Variants in ADGRB3 observed in about 807,000 individuals in gnomAD.
ADGRB3 encodes the protein brain-specific angiogenesis inhibitor 3.
Under a neutral mutation model 193.4 loss-of-function variants are expected in ADGRB3, and 37 were observed. That is an observed-to-expected ratio of 0.19 (90% CI 0.15 to 0.25). The LOEUF (loss-of-function observed/expected upper bound fraction) is 0.25. ADGRB3 is among the 10% of genes least tolerant of loss of function. ADGRB3 has a pLI of 1.00. For synonymous variants in ADGRB3, 690 were observed against 644.2 expected (o/e 1.07, Z -1.08); for missense variants, 1,637 against 1,852.9 (o/e 0.88, Z 2.14).
intron 27 of ADGRB3, among the ~76,000 whole-genome samples, chr6:69,355,498 G>A (rs1769319174): frequency 6.6e-6 from 1 of 152,126 alleles, no homozygotes; most frequent in African/African-American, 2.4e-5. Flanking sequence ...ACATTCTGAT[G>A]TCTTTATTAT....
rs374060390 is a variant in ADGRB3 at position 69,233,438 on chromosome 6, C to T, written c.2607+22C>T. 1.4e-5 allele frequency: 23 copies of T among 1,613,170 alleles called. No homozygotes were observed. The African/African-American group carries it at 2.8e-4, about 20-fold the overall frequency. ...AATAGTAAGTAACAAAGGGAAAACA[C>T]GGCTTTAACGCAAAGACAGGGATAT... is the stretch of plus-strand genomic sequence containing the variant. On this transcript the variant is annotated intron_variant, in intron 18 of 31. Coordinates refer to ENST00000370598, the MANE Select transcript of ADGRB3 (RefSeq NM_001704.3).
chr6:69,282,558 T>C (rs1767458461), intron 20 of ADGRB3, among the ~76,000 whole-genome samples: 1 of 152,232 alleles, frequency 6.6e-6, no homozygotes, highest in Admixed American at 6.5e-5. Context: ...ATAGGACTTA[T>C]GTCAAAGTTA....
intron 17 of ADGRB3, among the ~76,000 whole-genome samples, chr6:69,145,198 G>A (rs765212557): frequency 2.0e-5 from 3 of 152,068 alleles, no homozygotes; most frequent in Admixed American, 6.6e-5. Context: ...CCAAGCATGT[G>A]GAGCAGCAAG....
At chr6:69,262,442 T>C (rs548240721) in intron 20 of ADGRB3, among the ~76,000 whole-genome samples, 14 of 152,118 alleles carry the variant, frequency 9.2e-5, no homozygotes, top group Admixed American at 9.2e-4. Flanking sequence ...CCTTCCTTAC[T>C]AACATAAATG....
At chr6:68,782,159 C>G (rs1344564871) in intron 3 of ADGRB3, among the ~76,000 whole-genome samples, 1 of 128,850 alleles carries the variant, frequency 7.8e-6, no homozygotes, top group African/African-American at 3.0e-5. Context: ...GTGTGATGTT[C>G]CCCTTCCTGT....
At chr6:69,209,674 G>A (rs1027317266) in intron 17 of ADGRB3, among the ~76,000 whole-genome samples, 2 of 152,204 alleles carry the variant, frequency 1.3e-5, no homozygotes, top group Admixed American at 6.5e-5. Flanking sequence ...GGCCTTGCCA[G>A]CTGAAGGCAA....
intron 7 of ADGRB3, among the ~76,000 whole-genome samples, 175 bp downstream of exon 7, chr6:68,956,363 G>A (rs900350594): frequency 2.0e-5 from 3 of 151,706 alleles, no homozygotes; most frequent in African/African-American, 7.3e-5. Context: ...GATTATACCA[G>A]AATTTATTCT....
At chr6:69,089,989 C>T (rs1772660832) in intron 17 of ADGRB3, among the ~76,000 whole-genome samples, 2 of 152,178 alleles carry the variant, frequency 1.3e-5, no homozygotes, top group Admixed American at 6.5e-5. Context: ...GAATAACAAC[C>T]TCTTGGAGCT....
intron 3 of ADGRB3, among the ~76,000 whole-genome samples, chr6:68,822,650 G>A (rs1370452050): frequency 1.3e-5 from 2 of 151,746 alleles, no homozygotes; most frequent in Non-Finnish European, 2.9e-5. Flanking sequence ...ACATAGCAAA[G>A]GACTATAGCT....
In ADGRB3 at chr6:69,040,392, T is replaced by C. The variant is rs535799422; in HGVS notation, c.2108-7793T>C. ...TTCTTTCTTTCCTTCTCTCTCTTTC[T>C]TTCCTTCACGCAGGTGACTCCATTT... On this transcript the variant is annotated intron_variant, in intron 13 of 31. Coordinates refer to ENST00000370598, the MANE Select transcript of ADGRB3 (RefSeq NM_001704.3). Among the ~76,000 whole-genome samples the C allele has an allele frequency of 8.2e-4, 121 of 147,300 alleles. 3 individuals carry two copies. The East Asian group carries it at 0.013, about 15-fold the overall frequency.
chr6:69,200,489 C>G (rs959562644), intron 17 of ADGRB3, among the ~76,000 whole-genome samples: 24 of 152,132 alleles, frequency 1.6e-4, no homozygotes, highest in African/African-American at 2.4e-5. Context: ...AGAACATAAA[C>G]TCTCATGACA....
At chr6:68,962,514 C>T (rs982946711) in intron 8 of ADGRB3, among the ~76,000 whole-genome samples, 4 of 152,082 alleles carry the variant, frequency 2.6e-5, no homozygotes, top group Non-Finnish European at 5.9e-5. Flanking sequence ...CCATGAATTG[C>T]TTAAAAAGCA....
At chr6:68,797,427 C>T (rs1767231926) in intron 3 of ADGRB3, among the ~76,000 whole-genome samples, 1 of 151,256 alleles carries the variant, frequency 6.6e-6, no homozygotes, top group Non-Finnish European at 1.5e-5. Flanking sequence ...AAAGGATGTA[C>T]TTGAAGAAGG....
At chr6:68,902,894 C>T (rs557648235) in intron 3 of ADGRB3, among the ~76,000 whole-genome samples, 11 of 152,210 alleles carry the variant, frequency 7.2e-5, no homozygotes, top group East Asian at 3.9e-4. Context: ...ATTAATATCA[C>T]GTTTTATTTC....
chr6:69,065,525 T>G (rs970793517), intron 16 of ADGRB3, among the ~76,000 whole-genome samples: 3 of 152,172 alleles, frequency 2.0e-5, no homozygotes, highest in African/African-American at 7.2e-5. Context: ...TGAAATACTT[T>G]GGGAAGTATT....
chr6:68,878,472 A>G (rs1484514240), intron 3 of ADGRB3, among the ~76,000 whole-genome samples: 1 of 152,198 alleles, frequency 6.6e-6, no homozygotes, highest in Non-Finnish European at 1.5e-5. Context: ...TTTATATTTT[A>G]GACAGGATCC....
intron 26 of ADGRB3, among the ~76,000 whole-genome samples, chr6:69,344,592 AAT>A (rs1769045823): frequency 6.6e-6 from 1 of 152,204 alleles, no homozygotes; most frequent in Admixed American, 6.6e-5. Flanking sequence ...ACTAGACAAC[AAT>A]ATGTAAAGGG....
chr6:68,800,348 A>G (rs1767288233), intron 3 of ADGRB3, among the ~76,000 whole-genome samples: 1 of 152,154 alleles, frequency 6.6e-6, no homozygotes, highest in Non-Finnish European at 1.5e-5. Context: ...TGCTTGTGAT[A>G]CATTTTGGAC....
At chr6:69,119,006 AG>A (rs1286632158) in intron 17 of ADGRB3, among the ~76,000 whole-genome samples, 1 of 152,316 alleles carries the variant, frequency 6.6e-6, no homozygotes, top group East Asian at 1.9e-4. Flanking sequence ...TCACTCAAAA[AG>A]AATTAGAGCT....
Sources: gnomAD v4.1 joint callset for allele counts (sites outside exome capture counted in the v4.1 genomes callset) on GRCh38, gnomAD v4.1.1 for gene constraint, MANE v1.5 for transcripts, NCBI Gene and HGNC (gene_info 2026-07-23, HGNC 2026-07-21) for gene names.